Variants in SPRED2 observed in about 807,000 individuals in gnomAD.
SPRED2 encodes the protein sprouty-related, EVH1 domain-containing protein 2.
In SPRED2, 47 loss-of-function variants were observed where a neutral mutation model predicts 43.0. The ratio of observed to expected loss-of-function variants is 1.09; its 90% CI spans 0.87 to 1.40. The LOEUF is 1.40. Among genes scored for constraint, SPRED2 ranks in the 40% most tolerant of loss-of-function variants. SPRED2 has a pLI of 0.00. For missense variants in SPRED2, 561 were observed against 586.4 expected, an observed-to-expected ratio of 0.96 and a Z score of 0.45; for synonymous variants, 225 against 225.7, an observed-to-expected ratio of 1.00 and a Z score of 0.03.
chr2:65,423,828 C>G (rs1676494855), intron 1 of SPRED2, among the ~76,000 whole-genome samples: 1 of 150,752 alleles, frequency 6.6e-6, no homozygotes, highest in Non-Finnish European at 1.5e-5. Flanking sequence ...GGCTGGAGTG[C>G]AATGGTGCAA....
chr2:65,381,129 T>C (rs1013500059), intron 1 of SPRED2, among the ~76,000 whole-genome samples: 5 of 152,146 alleles, frequency 3.3e-5, no homozygotes, highest in African/African-American at 9.7e-5. Context: ...GGCTCTTTCT[T>C]ACCCCTTTGC....
intron 1 of SPRED2, chr2:65,377,633 G>A (rs268121): frequency 0.019 from 8,813 of 471,250 alleles, 105 homozygotes; most frequent in Non-Finnish European, 0.027. Flanking sequence ...CCTGGTCATC[G>A]TCTGACCTGA....
At chr2:65,415,729 TTTTTTAA>T (rs1366272719) in intron 1 of SPRED2, among the ~76,000 whole-genome samples, 1 of 152,166 alleles carries the variant, frequency 6.6e-6, no homozygotes, top group Non-Finnish European at 1.5e-5. Context: ...TTTTTTTTTA[TTTTTTAA>T]TTTTTTTTAT....
At chr2:65,364,206 T>C (rs1674903400) in intron 1 of SPRED2, among the ~76,000 whole-genome samples, 1 of 152,164 alleles carries the variant, frequency 6.6e-6, no homozygotes, top group Non-Finnish European at 1.5e-5. Flanking sequence ...CCAGTAAATC[T>C]ATGAATAAAA....
chr2:65,366,120 T>C (rs576114209), intron 1 of SPRED2, among the ~76,000 whole-genome samples: 1 of 152,054 alleles, frequency 6.6e-6, no homozygotes, highest in East Asian at 1.9e-4. Flanking sequence ...ATCATGGGGG[T>C]AGGAAAAAAG....
chr2:65,344,338 T>C (rs1304811416), intron 2 of SPRED2: 2 of 315,600 alleles, frequency 6.3e-6, no homozygotes, highest in Non-Finnish European at 1.2e-5. Context: ...CTCAATGGCA[T>C]GCTCCATGAA....
In SPRED2 at chr2:65,332,043, T is replaced by A; in HGVS notation, c.382A>T (p.Thr128Ser). The part of the protein sequence containing the change: ...AIEDLIEGST[T>S]SSSTIHNEAE... ...TCATTATGGATGGTGGAAGATGACG[T>A]TGTTGAACCTAAAAAGACAAAAATG... Residue 128 changes from threonine (T) to serine (S), a missense_variant, in exon 4 of 6, where the codon ACG becomes TCG. Around this residue, in one of 6 missense-constraint regions of SPRED2, gnomAD observed 305 missense variants for 282.4 expected, o/e 1.08. Coordinates refer to ENST00000356388, the MANE Select transcript of SPRED2 (RefSeq NM_181784.3). 6.2e-7 allele frequency: 1 copy of A among 1,606,830 alleles called. No homozygotes were observed. The highest frequency in any genetic ancestry group is 8.5e-7 in the Non-Finnish European group (1 of 1,175,606).
At chr2:65,415,100 T>G (rs1336103958) in intron 1 of SPRED2, among the ~76,000 whole-genome samples, 2 of 152,248 alleles carry the variant, frequency 1.3e-5, no homozygotes, top group African/African-American at 2.4e-5. Context: ...ACAAAATGTT[T>G]TAATCATACT....
At chr2:65,350,266 C>T (rs1424907516) in intron 1 of SPRED2, among the ~76,000 whole-genome samples, 1 of 152,158 alleles carries the variant, frequency 6.6e-6, no homozygotes, top group Non-Finnish European at 1.5e-5. Context: ...AAAATTTGCA[C>T]AAGGAAACTG....
At chr2:65,328,084 T>A (rs1292862216) in intron 4 of SPRED2, among the ~76,000 whole-genome samples, 3 of 152,182 alleles carry the variant, frequency 2.0e-5, no homozygotes, top group Admixed American at 6.5e-5. Flanking sequence ...GTAATTTATA[T>A]TTTCAAACTA....
intron 1 of SPRED2, among the ~76,000 whole-genome samples, chr2:65,346,868 C>T (rs1430086922): frequency 6.6e-6 from 1 of 152,284 alleles, no homozygotes; most frequent in East Asian, 1.9e-4. Flanking sequence ...GGCTCACTGA[C>T]TCTCCATCTC....
At chr2:65,384,893 G>A (rs968183087) in intron 1 of SPRED2, among the ~76,000 whole-genome samples, 2 of 151,520 alleles carry the variant, frequency 1.3e-5, no homozygotes, top group Admixed American at 6.6e-5. Context: ...CTCTCCACCT[G>A]TTCAGAACAA....
rs1032047486 is a variant in SPRED2, at chr2:65,314,183, G to A, written c.589-14C>T. On this transcript the variant is annotated splice_polypyrimidine_tract_variant and intron_variant, in intron 5 of 5. Transcript: ENST00000356388. ...CCTTGGCATCGGCTGTCCCGTAGGA[G>A]AGGAGACATTATTTTACAGCAGCGG... The A allele has an allele frequency of 6.4e-7, 1 of 1,560,934 alleles. No individual in the cohort carries two copies. Among genetic ancestry groups the A allele is most frequent in the Non-Finnish European group, 8.7e-7 (1 of 1,149,456 alleles).
intron 1 of SPRED2, among the ~76,000 whole-genome samples, chr2:65,405,557 T>A (rs1676002607): frequency 6.6e-6 from 1 of 151,994 alleles, no homozygotes. Context: ...AGGACAAAAC[T>A]CCCCCAATTA....
At chr2:65,358,120 A>T (rs1169910145) in intron 1 of SPRED2, among the ~76,000 whole-genome samples, 1 of 152,184 alleles carries the variant, frequency 6.6e-6, no homozygotes, top group Non-Finnish European at 1.5e-5. Context: ...GTAGAGAAAA[A>T]ACTTGAAACC....
chr2:65,308,669 C>G (rs888267532), downstream of SPRED2: 29 of 630,852 alleles, frequency 4.6e-5, no homozygotes, highest in African/African-American at 5.5e-4. Context: ...AACCTTCACG[C>G]CAGCTGAGGG....
Position 65,314,174 on chromosome 2 carries a change from C to T in SPRED2, c.589-5G>A, listed in dbSNP as rs199669699. 3.2e-6 allele frequency: 5 copies of T among 1,574,854 alleles called. No homozygotes were observed. In the African/African-American group the frequency reaches 6.8e-5, roughly 21 times the overall value. Reference sequence around the variant, plus strand: ...GCGGTAGGGCCTTGGCATCGGCTGTCCCGTAGGAGAGGAGACATTATTTTA... The same window carrying T: ...GCGGTAGGGCCTTGGCATCGGCTGTTCCGTAGGAGAGGAGACATTATTTTA... On this transcript the variant is annotated splice_region_variant and splice_polypyrimidine_tract_variant and intron_variant, in intron 5 of 5. Coordinates refer to ENST00000356388, the MANE Select transcript of SPRED2 (RefSeq NM_181784.3).
chr2:65,310,500 CACACAT>C (rs1193010381), downstream of SPRED2, among the ~76,000 whole-genome samples: 12 of 141,444 alleles, frequency 8.5e-5, no homozygotes, highest in South Asian at 4.6e-4. Context: ...CACACACACA[CACACAT>C]ATCCCTGAGG....
rs752893751 is a variant in SPRED2 at position 65,314,097 on chromosome 2, C to G, written c.661G>C (p.Glu221Gln). The G allele has an allele frequency of 4.3e-6, 7 of 1,613,386 alleles. No individual in the cohort carries two copies. Among genetic ancestry groups the G allele is most frequent in the Non-Finnish European group, 5.9e-6 (7 of 1,179,350 alleles). ...TCGTACCCCGTCATCCAGATCTTCT[C>G]CCGGGGGTTGATGCGCACGATCTCC... ...DEEIVRINPR[E>Q]KIWMTGYEDY... Residue 221 changes from glutamate (E) to glutamine (Q), a missense_variant, in exon 6 of 6, where the codon GAG (glutamate) becomes CAG (glutamine). This residue lies in a region of SPRED2 where 15 missense variants were observed against 35.4 expected (regional missense o/e 0.42). Coordinates refer to ENST00000356388, the MANE Select transcript of SPRED2 (RefSeq NM_181784.3).
Sources: gnomAD v4.1 joint callset for allele counts (sites outside exome capture counted in the v4.1 genomes callset) on GRCh38, gnomAD v4.1.1 for gene constraint, gnomAD v4.1.1 regional missense constraint, MANE v1.5 for transcripts, NCBI Gene and HGNC (gene_info 2026-07-23, HGNC 2026-07-21) for gene names.